The following DENND5A variants were observed in gnomAD, a reference collection of about 807,000 sequenced individuals.
DENND5A encodes DENN domain-containing protein 5A.
DENND5A carries 64 observed loss-of-function variants against 140.3 expected under a neutral mutation model. That is an observed-to-expected ratio of 0.46 (90% CI 0.37 to 0.56). The LOEUF is 0.56. Ranked by LOEUF, DENND5A falls within the 20% of genes least tolerant of loss-of-function variation. The pLI is 0.00. For missense variants in DENND5A, 1,292 were observed against 1,593.8 expected, an observed-to-expected ratio of 0.81 and a Z score of 3.22; for synonymous variants, 605 against 607.7, an observed-to-expected ratio of 1.00 and a Z score of 0.07.
intron 1 of DENND5A, chr11:9,242,782 C>T (rs960781981): frequency 6.6e-6 from 1 of 152,054 alleles, no homozygotes; most frequent in Non-Finnish European, 1.5e-5. Context: ...GGATGGTCAG[C>T]TGAGGCTAGC....
At position 9,142,780 on chromosome 11, in the gene DENND5A, G is replaced by C; in HGVS notation, c.3453C>G (p.Phe1151Leu). 2 of 1,614,164 alleles carry C rather than the reference G, an allele frequency of 1.2e-6. No individual in the cohort carries two copies. The highest frequency in any genetic ancestry group is 1.7e-6 in the Non-Finnish European group (2 of 1,180,026). The change falls in exon 21 of 23, where the codon TTC becomes TTG. Residue 1151 changes from phenylalanine to leucine, a missense_variant. Physicochemically the swap from Phe to Leu is conservative, Grantham distance 22. Coordinates refer to ENST00000328194, the MANE Select transcript of DENND5A (RefSeq NM_015213.4). ...GCCGGGGCGATTTAAATCCATGCTGGAAAGCCTGTTCCAAGGCCGAGACAA... is the reference window on the plus strand; with the variant it reads ...GCCGGGGCGATTTAAATCCATGCTGCAAAGCCTGTTCCAAGGCCGAGACAA... ...CGLVSALEQA[F>L]QHGFKSPRLF... is the part of the protein sequence containing the mutation.
chr11:9,149,969 A>G, intron 15 of DENND5A, 112 bp downstream of exon 15: 1 of 1,406,830 alleles, frequency 7.1e-7, no homozygotes, highest in East Asian at 2.5e-5. Flanking sequence ...CAAAGAGGTT[A>G]GCTGAATGCA....
In DENND5A at chr11:9,141,991, CG is replaced by C; in HGVS notation, c.3628del (p.Arg1210GlyfsTer44). ...RFVTAINNTP[R>X]NIGKDGKFQM... ...AAACTTGCCATCCTTGCCGATGTTC[CG>C]GGGAGTATTGTTGATTGCAGTGACA... On this transcript the variant is annotated frameshift_variant, in exon 22 of 23. Coordinates refer to ENST00000328194, the MANE Select transcript of DENND5A (RefSeq NM_015213.4). LOFTEE classifies it high-confidence loss of function. 6.2e-7 allele frequency: 1 copy of C among 1,605,820 alleles called. No homozygotes were observed. Among genetic ancestry groups the C allele is most frequent in the Admixed American group, 1.7e-5 (1 of 59,028 alleles).
chr11:9,220,822 G>T (rs913257944), intron 1 of DENND5A, among the ~76,000 whole-genome samples: 2 of 152,086 alleles, frequency 1.3e-5, no homozygotes, highest in African/African-American at 4.8e-5. Flanking sequence ...GAACCTGGGA[G>T]GCAGAGGTTG....
chr11:9,150,552 A>C (rs1847581898), intron 14 of DENND5A, 128 bp downstream of exon 14: 2 of 669,656 alleles, frequency 3.0e-6, no homozygotes, highest in African/African-American at 3.6e-5. Context: ...AGGCTTTGTG[A>C]TTAGGAGGGC....
At chr11:9,230,413 A>T (rs1850722628) in intron 1 of DENND5A, among the ~76,000 whole-genome samples, 1 of 151,154 alleles carries the variant, frequency 6.6e-6, no homozygotes, top group Non-Finnish European at 1.5e-5. Flanking sequence ...GCTAATTTTT[A>T]AAAATTTTTT....
At chr11:9,191,131 T>C (rs16906770) in intron 5 of DENND5A, among the ~76,000 whole-genome samples, 3,507 of 152,178 alleles carry the variant, frequency 0.023, 121 homozygotes, top group African/African-American at 0.079. Context: ...GAAGCTCAGA[T>C]ACAAAGTTTA....
At chr11:9,244,526 C>T (rs1013867022) in intron 1 of DENND5A, among the ~76,000 whole-genome samples, 1 of 152,096 alleles carries the variant, frequency 6.6e-6, no homozygotes. Context: ...TGTGCCACCA[C>T]GCCCAGCTAA....
chr11:9,172,346 T>C (rs1164997558), intron 8 of DENND5A: 1 of 152,142 alleles, frequency 6.6e-6, no homozygotes, highest in Non-Finnish European at 1.5e-5. Flanking sequence ...TAAAATCTGG[T>C]AGAGAAAGTA....
At chr11:9,240,436 G>A (rs940163257) in intron 1 of DENND5A, among the ~76,000 whole-genome samples, 11 of 151,960 alleles carry the variant, frequency 7.2e-5, no homozygotes, top group South Asian at 2.1e-4. Context: ...CTGACTGGGC[G>A]CAGGGGCACT....
chr11:9,247,036 T>C (rs1057405310), intron 1 of DENND5A, among the ~76,000 whole-genome samples: 1 of 152,078 alleles, frequency 6.6e-6, no homozygotes, highest in Admixed American at 6.6e-5. Flanking sequence ...CGAGACCATC[T>C]GGCTAACACG....
intron 20 of DENND5A, chr11:9,143,153 G>A: frequency 1.7e-6 from 1 of 592,288 alleles, no homozygotes; most frequent in East Asian, 2.8e-5. Flanking sequence ...GACAGGAATA[G>A]GCACTGTTCA....
At chr11:9,230,623 T>C (rs753505749) in intron 1 of DENND5A, among the ~76,000 whole-genome samples, 1 of 152,162 alleles carries the variant, frequency 6.6e-6, no homozygotes, top group Non-Finnish European at 1.5e-5. Flanking sequence ...AGGTATCACA[T>C]CTTTCTGCCC....
intron 8 of DENND5A, among the ~76,000 whole-genome samples, chr11:9,173,843 G>A (rs1470072202): frequency 1.3e-5 from 2 of 152,068 alleles, no homozygotes; most frequent in African/African-American, 4.8e-5. Context: ...AGTGGCTCAC[G>A]CCTGTAATCC....
intron 1 of DENND5A, among the ~76,000 whole-genome samples, chr11:9,223,608 A>G (rs1326858177): frequency 2.6e-5 from 4 of 151,610 alleles, no homozygotes; most frequent in African/African-American, 9.7e-5. Context: ...GGTCCCAGCT[A>G]CTTGGGAGGC....
At chr11:9,254,505 G>A (rs1430063968) in intron 1 of DENND5A, among the ~76,000 whole-genome samples, 1 of 152,178 alleles carries the variant, frequency 6.6e-6, no homozygotes, top group Non-Finnish European at 1.5e-5. Flanking sequence ...CCGTACTTCA[G>A]TAGGCTTGAC....
intron 11 of DENND5A, among the ~76,000 whole-genome samples, chr11:9,161,648 C>T (rs1847987918): frequency 6.6e-6 from 1 of 152,060 alleles, no homozygotes; most frequent in Non-Finnish European, 1.5e-5. Flanking sequence ...AAGATCATAA[C>T]CAAGAAAACA....
At position 9,204,315 on chromosome 11, in the gene DENND5A, T is replaced by C. The variant is rs1166092691; in HGVS notation, c.294A>G (p.Leu98=). Residue 98 remains leucine, a splice_region_variant and synonymous_variant, in exon 4 of 23, where the codon CTA becomes CTG. Transcript: ENST00000328194. ...NPFDQDAVGM[L]CMPKGLAFKT... is the part of the protein sequence containing the mutation. ...TGAATGCCAGCCCTTTCGGCATACA[T>C]AGCTGCAAAAGACAACAAGGCAACA... 5.6e-6 allele frequency: 9 copies of C among 1,607,754 alleles called. No homozygotes were observed. Among genetic ancestry groups the C allele is most frequent in the South Asian group, 1.1e-5 (1 of 91,000 alleles).
intron 4 of DENND5A, among the ~76,000 whole-genome samples, chr11:9,194,248 GTTA>G (rs1849239893): frequency 6.6e-6 from 1 of 152,146 alleles, no homozygotes; most frequent in Non-Finnish European, 1.5e-5. Context: ...GCATAAAAAT[GTTA>G]TTATAACGTT....
Sources: allele counts gnomAD v4.1 joint callset (sites outside exome capture counted in the v4.1 genomes callset), GRCh38; gene constraint gnomAD v4.1.1; transcripts MANE v1.5; gene names NCBI Gene and HGNC (gene_info 2026-07-23, HGNC 2026-07-21).